SLC19A1: variants seen among roughly 807,000 people sequenced by gnomAD.
SLC19A1 encodes the protein solute carrier family 19 member 1.
Under a neutral mutation model 35.3 loss-of-function variants are expected in SLC19A1, and 37 were observed. The ratio of observed to expected loss-of-function variants is 1.05; its 90% CI spans 0.81 to 1.38. SLC19A1 has a LOEUF of 1.38. Among genes scored for constraint, SLC19A1 ranks in the 40% most tolerant of loss-of-function variants. SLC19A1 has a pLI of 0.00. For synonymous variants in SLC19A1, 460 were observed against 398.5 expected (o/e 1.15, Z -1.84); for missense variants, 831 against 826.9 (o/e 1.00, Z -0.06).
At chr21:45,512,457 T>C (rs2037668449), downstream of SLC19A1, 3 of 1,550,886 alleles carry the variant, frequency 1.9e-6, no homozygotes, top group South Asian at 2.3e-5. Flanking sequence ...GCCCCCACCG[T>C]GGGCAGGGAG....
rs539025839 is a variant in SLC19A1, at chr21:45,514,773, C to T, written c.*885G>A. The T allele has an allele frequency of 9.5e-5, 49 of 517,986 alleles. No homozygotes were observed. Among genetic ancestry groups the T allele is most frequent in the Admixed American group, 1.6e-4 (4 of 24,664 alleles). 32.1% of individuals were successfully genotyped at this position (517,986 alleles called of 1,614,324 possible). ...GTATTCACATCACATCAGATGGTCC[C>T]GCACCTGTGGGCAAGGCACTAGCGC... is the stretch of plus-strand genomic sequence containing the variant. On this transcript the variant is annotated 3_prime_UTR_variant, in exon 6 of 6. Transcript: ENST00000311124.
At chr21:45,509,453 G>A, downstream of SLC19A1, 1 of 1,534,494 alleles carries the variant, frequency 6.5e-7, no homozygotes, top group East Asian at 2.4e-5. Context: ...GCGCGGCCCT[G>A]GCGGGCAGAT....
Position 45,531,693 on chromosome 21 carries a change from G to T in SLC19A1, c.645C>A (p.Asp215Glu). ...CCGAGGTTTCGCACCGCCCCCGGTC[G>T]TCGCGGTTGAAGAAGAGGCTGCGCT... Reference protein sequence around the residue: ...RPKRSLFFNRDDRGRCETSAS... With the variant: ...RPKRSLFFNREDRGRCETSAS... Residue 215 changes from aspartate to glutamate, a missense_variant, in exon 3 of 6, where the codon GAC (aspartate) becomes GAA (glutamate). Transcript: ENST00000311124. The T allele has an allele frequency of 6.2e-7, 1 of 1,612,604 alleles. No individual in the cohort carries two copies. Among genetic ancestry groups the T allele is most frequent in the South Asian group, 1.1e-5 (1 of 91,048 alleles).
chr21:45,526,934 T>C (rs1055210660), intron 4 of SLC19A1, among the ~76,000 whole-genome samples: 1 of 152,210 alleles, frequency 6.6e-6, no homozygotes, highest in African/African-American at 2.4e-5. Flanking sequence ...AAACACAAAC[T>C]CGAGAAGATA....
At chr21:45,532,379 T>C (rs1450548322) in intron 2 of SLC19A1, among the ~76,000 whole-genome samples, 1 of 152,256 alleles carries the variant, frequency 6.6e-6, no homozygotes, top group Non-Finnish European at 1.5e-5. Flanking sequence ...TGCGGAAAGC[T>C]GGCAGTGGCC....
At position 45,525,853 on chromosome 21, in the gene SLC19A1, C is replaced by G; in HGVS notation, c.1257G>C (p.Ser419=). 6.2e-7 allele frequency: 1 copy of G among 1,613,442 alleles called. No homozygotes were observed. The highest frequency in any genetic ancestry group is 8.5e-7 in the Non-Finnish European group (1 of 1,179,972). The change falls in exon 5 of 6, where the codon TCG becomes TCC. Residue 419 remains serine, a synonymous_variant. Transcript: ENST00000311124. ...CCGGGAGGCCCAGGCCCCGCACGTC[C>G]GAGACAATGAAAGTGATGATGGTCT... ...IVKTIITFIV[S]DVRGLGLPVR...
At chr21:45,554,876 G>T (rs980297733) in intron 1 of SLC19A1, among the ~76,000 whole-genome samples, 2 of 151,868 alleles carry the variant, frequency 1.3e-5, no homozygotes, top group Admixed American at 1.3e-4. Context: ...CCAGCAGCGG[G>T]CCCTGTTCCC....
At chr21:45,508,361 A>AGTGGATGG (rs1183889049), downstream of SLC19A1, among the ~76,000 whole-genome samples, 1 of 142,638 alleles carries the variant, frequency 7.0e-6, no homozygotes, top group Non-Finnish European at 1.5e-5. Flanking sequence ...CAAGTGGGTG[A>AGTGGATGG]GTGGATGGGT....
rs769633951 is a variant in SLC19A1, at chr21:45,532,140, G to A, written c.198C>T (p.Asn66=). ...AGTACGACAGCACCGGCGTGATCTC[G>A]TTCGTGACCTGCGGACAGGCGGGCG... ...DKNFTREQVT[N]EITPVLSYSY... The change falls in exon 3 of 6, where the codon AAC becomes AAT. Residue 66 remains asparagine, a synonymous_variant. Transcript: ENST00000311124. The A allele has an allele frequency of 3.1e-6, 5 of 1,596,746 alleles. No individual in the cohort carries two copies. The highest frequency in any genetic ancestry group is 2.2e-5 in the East Asian group (1 of 44,556).
intron 1 of SLC19A1, among the ~76,000 whole-genome samples, chr21:45,555,137 G>A (rs1314966770): frequency 7.5e-6 from 1 of 134,194 alleles, no homozygotes. Context: ...GCCTCGCGAC[G>A]CAGGGGGCGG....
At chr21:45,518,696 G>T (rs2038086635) in intron 5 of SLC19A1, among the ~76,000 whole-genome samples, 1 of 151,986 alleles carries the variant, frequency 6.6e-6, no homozygotes, top group East Asian at 1.9e-4. Flanking sequence ...TGAGGAAGGG[G>T]CACCACATTT....
intron 1 of SLC19A1, among the ~76,000 whole-genome samples, chr21:45,558,813 CT>C (rs11363347): frequency 0.77 from 111,538 of 143,990 alleles, 42,980 homozygotes; most frequent in Middle Eastern, 0.8. Flanking sequence ...TTTCTTTTTT[CT>C]TTTTTTTTTT....
In SLC19A1 at chr21:45,514,928, G is replaced by A; in HGVS notation, c.*730C>T. Reference sequence around the variant, plus strand: ...AGCACGTCCGCGGTGACCGGGACCAGTCCCCTCCGGGCTGGCACAAGTGTG... The same window carrying A: ...AGCACGTCCGCGGTGACCGGGACCAATCCCCTCCGGGCTGGCACAAGTGTG... On this transcript the variant is annotated 3_prime_UTR_variant, in exon 6 of 6. Coordinates refer to ENST00000311124, the MANE Select transcript of SLC19A1 (RefSeq NM_194255.4). 1 of 1,384,566 alleles carries A rather than the reference G, an allele frequency of 7.2e-7. No individual in the cohort carries two copies. The highest frequency in any genetic ancestry group is 9.6e-7 in the Non-Finnish European group (1 of 1,044,972). 85.8% of individuals were successfully genotyped at this position (1,384,566 alleles called of 1,614,324 possible).
rs1602704393 is a variant in SLC19A1 at position 45,517,899 on chromosome 21, A to C, written c.1294-1759T>G. 6.6e-6 allele frequency among the ~76,000 whole-genome samples: 1 copy of C among 151,974 alleles called. No homozygotes were observed. The highest frequency in any genetic ancestry group is 2.4e-5 in the African/African-American group (1 of 41,352). ...CCCACCTGCCTGTAGCGAGGTGCAC[A>C]CCCCGCTTGACCTGCAGGAGTTGCG... On this transcript the variant is annotated intron_variant, in intron 5 of 5. Transcript: ENST00000311124. This position sits in a 1 kb window ranked among gnomAD's most constrained non-coding sequence, Gnocchi z 4.4.
Position 45,504,523 on chromosome 21 carries a change from C to T in SLC19A1, c.498-5911G>A, listed in dbSNP as rs1568941013. 2 of 1,510,796 alleles carry T rather than the reference C, an allele frequency of 1.3e-6. No individual in the cohort carries two copies. The highest frequency in any genetic ancestry group is 1.2e-5 in the South Asian group (1 of 85,162). 93.6% of individuals were successfully genotyped at this position (1,510,796 alleles called of 1,614,324 possible). A position where few individuals can be genotyped will look rare whatever the true frequency, so the allele number is the denominator to read the frequency against. ...TGCCCGGCCCCCCCGGCCCCCCAGG[C>T]CCCCCAGGCCCACGTGGCTACCCTG... On this transcript the variant is annotated intron_variant, in intron 3 of 4. Coordinates refer to the SLC19A1 transcript ENST00000417954.
intron 1 of SLC19A1, among the ~76,000 whole-genome samples, chr21:45,560,367 C>A (rs2078603652): frequency 6.6e-6 from 1 of 152,226 alleles, no homozygotes; most frequent in Admixed American, 6.5e-5. Context: ...CCCACAGGAG[C>A]TAATCCACCA....
At position 45,515,900 on chromosome 21, in the gene SLC19A1, C is replaced by A; in HGVS notation, c.1534G>T (p.Gly512Trp). ...TGTCTCTGCTCCAGGGAGGCTGGCC[C>A]CACAGCCCCCAGGCTGTCTTCTGGG... ...LSPEDSLGAV[G>W]PASLEQRQSD... Residue 512 changes from glycine to tryptophan, a missense_variant, in exon 6 of 6, where the codon GGG becomes TGG. Physicochemically the swap from Gly to Trp is radical, Grantham distance 184 (BLOSUM62 -2). Transcript: ENST00000311124. The A allele has an allele frequency of 6.4e-7, 1 of 1,553,366 alleles. No individual in the cohort carries two copies. The highest frequency in any genetic ancestry group is 1.2e-5 in the South Asian group (1 of 83,420).
At chr21:45,507,270 T>G (rs1470214076) in intron 3 of SLC19A1, 1 of 465,530 alleles carries the variant, frequency 2.1e-6, no homozygotes, top group Non-Finnish European at 3.8e-6. Context: ...GAGGGCAACC[T>G]GCTGTGGACT....
At chr21:45,559,481 G>A (rs1191997019) in intron 1 of SLC19A1, among the ~76,000 whole-genome samples, 1 of 152,242 alleles carries the variant, frequency 6.6e-6, no homozygotes. Context: ...AGGTCTTCCA[G>A]CTCCAACTTG....
Sources: gnomAD v4.1 joint callset for allele counts (sites outside exome capture counted in the v4.1 genomes callset) on GRCh38, gnomAD v4.1.1 for gene constraint, Gnocchi (gnomAD v3.1) non-coding constraint, MANE v1.5 for transcripts, NCBI Gene and HGNC (gene_info 2026-07-23, HGNC 2026-07-21) for gene names.